Variants in NCAM1 observed in about 807,000 individuals in gnomAD.
NCAM1 encodes the protein antigen recognized by monoclonal antibody 5.1H11.
A neutral mutation model predicts 109.8 loss-of-function variants in NCAM1; 14 were observed. The observed-to-expected ratio is 0.13, with a 90% CI of 0.08 to 0.20. The LOEUF (loss-of-function observed/expected upper bound fraction) is 0.20, where lower values mean the gene tolerates loss of function less well. Among genes scored for constraint, NCAM1 ranks in the 10% least tolerant of loss-of-function variants. The pLI is 1.00. For synonymous variants in NCAM1, 418 were observed against 442.9 expected, an observed-to-expected ratio of 0.94 and a Z score of 0.70; for missense variants, 774 against 1,109.9, an observed-to-expected ratio of 0.70 and a Z score of 4.30.
intron 1 of NCAM1, among the ~76,000 whole-genome samples, chr11:113,077,051 C>G (rs1555086264): frequency 6.6e-6 from 1 of 152,172 alleles, no homozygotes; most frequent in Non-Finnish European, 1.5e-5. Context: ...TCCCAAGTCA[C>G]TCATTCAAAA....
chr11:113,175,568 C>A (rs1381230552), intron 1 of NCAM1, among the ~76,000 whole-genome samples: 1 of 152,266 alleles, frequency 6.6e-6, no homozygotes, highest in Admixed American at 6.5e-5. Flanking sequence ...TAGATCAAGG[C>A]CTAGCCTAAG....
At chr11:113,212,244 G>A (rs182243027) in intron 7 of NCAM1, among the ~76,000 whole-genome samples, 38 of 152,290 alleles carry the variant, frequency 2.5e-4, no homozygotes, top group East Asian at 2.3e-3. Context: ...AGTTCTGACC[G>A]TACTGCTTCT....
intron 10 of NCAM1, 123 bp from the exon 11 acceptor site, chr11:113,232,047 C>A: frequency 3.8e-6 from 4 of 1,052,066 alleles, no homozygotes; most frequent in Non-Finnish European, 5.4e-6. Context: ...ATGGCCCTGA[C>A]CTCTACTATA....
intron 2 of NCAM1, 93 bp from the exon 3 acceptor site, chr11:113,204,193 C>G: frequency 9.6e-7 from 1 of 1,040,336 alleles, no homozygotes; most frequent in Non-Finnish European, 1.4e-6. Flanking sequence ...ATCTGTTGTT[C>G]AGTAACTCTT....
intron 1 of NCAM1, among the ~76,000 whole-genome samples, chr11:113,114,727 C>A (rs997131832): frequency 1.3e-5 from 2 of 152,148 alleles, no homozygotes; most frequent in African/African-American, 4.8e-5. Flanking sequence ...GCCTGTGTGG[C>A]GCAGCTTTCT....
intron 17 of NCAM1, among the ~76,000 whole-genome samples, chr11:113,260,872 T>C (rs1471564289): frequency 1.3e-5 from 2 of 152,144 alleles, no homozygotes; most frequent in African/African-American, 2.4e-5. Flanking sequence ...CCACTTGTAA[T>C]AGAACAAGTG....
chr11:113,269,752 T>C (rs1430873825), intron 17 of NCAM1: 1 of 215,554 alleles, frequency 4.6e-6, no homozygotes, highest in African/African-American at 2.3e-5. Context: ...CCACCCCATT[T>C]TGGGCCCCTA....
intron 1 of NCAM1, among the ~76,000 whole-genome samples, chr11:113,187,563 CTGTGTG>C (rs33947463): frequency 5.4e-5 from 8 of 147,136 alleles, no homozygotes; most frequent in Non-Finnish European, 9.0e-5. Context: ...GTGTGTGTTT[CTGTGTG>C]TGTGTGTGTG....
intron 8 of NCAM1, among the ~76,000 whole-genome samples, chr11:113,220,658 A>AG (rs1555115137): frequency 8.5e-6 from 1 of 117,984 alleles, no homozygotes; most frequent in African/African-American, 3.5e-5. Flanking sequence ...CCCAGGCTGG[A>AG]GTGCAGTGGT....
At chr11:113,013,405 C>T (rs547047831) in intron 1 of NCAM1, among the ~76,000 whole-genome samples, 25 of 126,132 alleles carry the variant, frequency 2.0e-4, no homozygotes, top group Middle Eastern at 6.3e-3. Flanking sequence ...CCTGCCTGGG[C>T]GACACAGCAA....
chr11:113,009,213 A>G (rs1470534826), intron 1 of NCAM1, among the ~76,000 whole-genome samples: 1 of 151,948 alleles, frequency 6.6e-6, no homozygotes, highest in Admixed American at 6.6e-5. Context: ...ATTATCAAAA[A>G]ATTGGCAAAC....
chr11:113,051,967 G>T (rs1360965149), intron 1 of NCAM1, among the ~76,000 whole-genome samples: 1 of 152,198 alleles, frequency 6.6e-6, no homozygotes, highest in Admixed American at 6.5e-5. Context: ...TAAGTTCTAG[G>T]TACCGCACTG....
intron 1 of NCAM1, among the ~76,000 whole-genome samples, chr11:113,149,692 A>C (rs1942155798): frequency 6.6e-6 from 1 of 152,222 alleles, no homozygotes; most frequent in Non-Finnish European, 1.5e-5. Context: ...TGTTTCGTTT[A>C]ATTACTTATA....
At chr11:113,080,333 A>G (rs892897477) in intron 1 of NCAM1, among the ~76,000 whole-genome samples, 2 of 152,208 alleles carry the variant, frequency 1.3e-5, no homozygotes, top group Non-Finnish European at 2.9e-5. Flanking sequence ...CTAAAGAAAC[A>G]CTGTTTCCTG....
chr11:113,002,478 C>T (rs1011318048), intron 1 of NCAM1, among the ~76,000 whole-genome samples: 5 of 152,168 alleles, frequency 3.3e-5, no homozygotes, highest in African/African-American at 1.2e-4. Context: ...CTTGTAGTAC[C>T]TTTTTACAAA....
At chr11:113,182,985 A>G (rs1943379899) in intron 1 of NCAM1, among the ~76,000 whole-genome samples, 1 of 152,144 alleles carries the variant, frequency 6.6e-6, no homozygotes, top group Admixed American at 6.5e-5. Flanking sequence ...AAAATTGGGA[A>G]ACTCCTTGAC....
chr11:113,150,531 A>G (rs940525936), intron 1 of NCAM1, among the ~76,000 whole-genome samples: 24 of 152,192 alleles, frequency 1.6e-4, no homozygotes, highest in African/African-American at 5.8e-4. Context: ...TCTTTCATTC[A>G]TATGCTAGCA....
intron 1 of NCAM1, among the ~76,000 whole-genome samples, chr11:113,087,694 C>T (rs1253514042): frequency 6.6e-6 from 1 of 152,168 alleles, no homozygotes; most frequent in African/African-American, 2.4e-5. Flanking sequence ...ATTTGTTCTT[C>T]TTGATCACTT....
intron 13 of NCAM1, among the ~76,000 whole-genome samples, chr11:113,234,157 G>A (rs980217853): frequency 6.6e-6 from 1 of 151,842 alleles, no homozygotes; most frequent in Admixed American, 6.6e-5. Context: ...ATCAGGATTG[G>A]AGCCAGAAGA....
Sources: allele counts gnomAD v4.1 joint callset (sites outside exome capture counted in the v4.1 genomes callset), GRCh38; gene constraint gnomAD v4.1.1; transcripts MANE v1.5; gene names NCBI Gene and HGNC (gene_info 2026-07-23, HGNC 2026-07-21).